TMF1: variants seen among roughly 807,000 people sequenced by gnomAD.
TMF1 encodes TATA element modulatory factor.
TMF1 carries 71 observed loss-of-function variants against 126.5 expected under a neutral mutation model. That is an observed-to-expected ratio of 0.56 (90% CI 0.46 to 0.68). TMF1 has a LOEUF of 0.68. Among genes scored for constraint, TMF1 ranks in the 30% least tolerant of loss-of-function variants. The pLI, the probability that TMF1 is intolerant of heterozygous loss-of-function variation, is 0.00. For missense variants in TMF1, 1,259 were observed against 1,253.2 expected, an observed-to-expected ratio of 1.00 and a Z score of -0.07; for synonymous variants, 461 against 430.5, an observed-to-expected ratio of 1.07 and a Z score of -0.88.
At chr3:69,037,213 A>T (rs941008606) in intron 8 of TMF1, among the ~76,000 whole-genome samples, 2 of 152,266 alleles carry the variant, frequency 1.3e-5, no homozygotes, top group African/African-American at 4.8e-5. Flanking sequence ...AATGCAAATC[A>T]GCCGGGCGTA....
chr3:69,027,873 C>A (rs532969043), intron 13 of TMF1, 27 bp downstream of exon 13: 3 of 1,300,350 alleles, frequency 2.3e-6, no homozygotes, highest in African/African-American at 1.5e-5. Context: ...GGTTACACCA[C>A]AAACAAACAA....
intron 12 of TMF1, 27 bp downstream of exon 12, chr3:69,028,199 G>C: frequency 6.3e-7 from 1 of 1,587,046 alleles, no homozygotes; most frequent in Non-Finnish European, 8.6e-7. Flanking sequence ...TATGCCCTAA[G>C]AGCTGAGTGG....
At chr3:69,045,998 G>A (rs1006488688) in intron 2 of TMF1, among the ~76,000 whole-genome samples, 7 of 152,074 alleles carry the variant, frequency 4.6e-5, no homozygotes, top group African/African-American at 7.2e-5. Flanking sequence ...CAAGGCTGCC[G>A]TGAGCCATGA....
intron 9 of TMF1, among the ~76,000 whole-genome samples, chr3:69,034,709 G>A (rs181429838): frequency 9.9e-4 from 150 of 152,188 alleles, no homozygotes; most frequent in Non-Finnish European, 1.8e-3. Flanking sequence ...CATAGAAACC[G>A]GGAACTATTA....
intron 6 of TMF1, among the ~76,000 whole-genome samples, 179 bp downstream of exon 6, chr3:69,039,372 G>A (rs554245185): frequency 2.6e-5 from 4 of 152,172 alleles, no homozygotes; most frequent in African/African-American, 9.7e-5. Context: ...AAAGTGTTGG[G>A]ATTACAGGCG....
chr3:69,038,596 C>A lies in TMF1; in HGVS notation c.2119G>T (p.Ala707Ser). 1.2e-6 allele frequency: 2 copies of A among 1,613,982 alleles called. No individual in the cohort carries two copies. Among genetic ancestry groups the A allele is most frequent in the Non-Finnish European group, 1.7e-6 (2 of 1,179,956 alleles). Residue 707 changes from alanine to serine, a missense_variant, in exon 8 of 17, where the codon GCC (alanine) becomes TCC (serine). By Grantham distance (99) the Ala-to-Ser change is moderately conservative. Transcript: ENST00000398559. The part of the protein sequence containing the change: ...SAALEKAQEE[A>S]RQQQETLAIQ... ...GCTAATGTTTCTTGCTGCTGACGGG[C>A]TTCTTCTTGGGCCTTCTCTAATGCT...
In TMF1 at chr3:69,021,534, T is replaced by A. The variant is rs2091737736; in HGVS notation, c.*1643A>T. On this transcript the variant is annotated 3_prime_UTR_variant, in exon 17 of 17. Coordinates refer to ENST00000398559, the MANE Select transcript of TMF1 (RefSeq NM_007114.3). ...TTAACACTACCAATCAGAGATCCAA[T>A]GACAGAAACACTGTCTGGAATACAA... 6.6e-6 allele frequency: 1 copy of A among 152,444 alleles called. No individual in the cohort carries two copies. The highest frequency in any genetic ancestry group is 1.5e-5 in the Non-Finnish European group (1 of 68,002). 9.4% of individuals were successfully genotyped at this position (152,444 alleles called of 1,614,324 possible).
chr3:69,024,202 TA>T, intron 15 of TMF1, 22 bp from the exon 16 acceptor site: 1 of 1,581,292 alleles, frequency 6.3e-7, no homozygotes, highest in Non-Finnish European at 8.6e-7. Flanking sequence ...TACCACAAAA[TA>T]GTTTAAATCA....
intron 6 of TMF1, 99 bp from the exon 7 acceptor site, chr3:69,039,108 T>C (rs1559632898): frequency 9.9e-7 from 1 of 1,011,876 alleles, no homozygotes; most frequent in Non-Finnish European, 1.4e-6. Flanking sequence ...AAAATATATA[T>C]TTTTTTGAGA....
intron 11 of TMF1, among the ~76,000 whole-genome samples, chr3:69,029,377 G>T (rs1450878913): frequency 6.6e-6 from 1 of 151,894 alleles, no homozygotes; most frequent in Non-Finnish European, 1.5e-5. Context: ...TGCTAAAAGT[G>T]ATTACATTTA....
At chr3:69,024,268 G>GTTTT in intron 15 of TMF1, 88 bp from the exon 16 acceptor site, 21 of 925,066 alleles carry the variant, frequency 2.3e-5, no homozygotes, top group Non-Finnish European at 2.8e-5. Context: ...TGTGTGTGTG[G>GTTTT]TTTTTTTTTT....
chr3:69,024,823 T>TC (rs2091759038), intron 15 of TMF1: 2 of 145,694 alleles, frequency 1.4e-5, no homozygotes, highest in Non-Finnish European at 1.5e-5. Flanking sequence ...TTTTTTTTTT[T>TC]CAGATTATGG....
At position 69,048,305 on chromosome 3, in the gene TMF1, G is replaced by T; in HGVS notation, c.400C>A (p.His134Asn). ...GACTGGCCAATGTGCAAGGATTCAT[G>T]TAAGCTGCTTTTCACTTCTTCTTCT... ...RPEEEVKSSL[H>N]ESLHIGQSRT... The change falls in exon 2 of 17, where the codon CAT becomes AAT. Residue 134 changes from histidine (H) to asparagine (N), a missense_variant. His to Asn is a moderately conservative substitution (Grantham distance 68). Coordinates refer to ENST00000398559, the MANE Select transcript of TMF1 (RefSeq NM_007114.3). 1.2e-6 allele frequency: 2 copies of T among 1,614,206 alleles called. 1 individual carries two copies. Among genetic ancestry groups the T allele is most frequent in the South Asian group, 2.2e-5 (2 of 91,084 alleles).
rs1255262002 is a variant in TMF1 at position 69,048,460 on chromosome 3, G to A, written c.245C>T (p.Thr82Ile). The A allele has an allele frequency of 6.2e-7, 1 of 1,614,030 alleles. No homozygotes were observed. Among genetic ancestry groups the A allele is most frequent in the Non-Finnish European group, 8.5e-7 (1 of 1,180,040 alleles). Reference protein sequence around the residue: ...SPPIASPKAITKPVRRTVVDE... With the variant: ...SPPIASPKAIIKPVRRTVVDE... ...GACCACAGTCCTCCGAACTGGCTTT[G>A]TGATTGCTTTAGGAGAGGCTATTGG... is the stretch of plus-strand genomic sequence containing the variant. The change falls in exon 2 of 17, where the codon ACA (threonine) becomes ATA (isoleucine). Residue 82 changes from threonine (T) to isoleucine (I), a missense_variant. Transcript: ENST00000398559.
intron 10 of TMF1, among the ~76,000 whole-genome samples, chr3:69,030,896 G>A (rs905235897): frequency 1.3e-5 from 2 of 152,256 alleles, no homozygotes; most frequent in East Asian, 1.9e-4. Flanking sequence ...GCACACTTGG[G>A]CATTTATCTA....
chr3:69,032,983 C>T (rs191964252), intron 10 of TMF1, among the ~76,000 whole-genome samples: 1 of 152,158 alleles, frequency 6.6e-6, no homozygotes, highest in African/African-American at 2.4e-5. Flanking sequence ...GACCTATTTT[C>T]GCTCTTGGAA....
At chr3:69,034,849 A>G (rs1156752376) in intron 9 of TMF1, 174 bp downstream of exon 9, 7 of 619,618 alleles carry the variant, frequency 1.1e-5, no homozygotes, top group South Asian at 5.8e-5. Context: ...ATTTCCTTGT[A>G]TAATTTTTAA....
chr3:69,033,205 C>A (rs1453458680), intron 10 of TMF1, among the ~76,000 whole-genome samples: 3 of 144,214 alleles, frequency 2.1e-5, no homozygotes, highest in Non-Finnish European at 4.5e-5. Context: ...ACCTGGGAGG[C>A]GGAGCTTGCA....
Position 69,048,249 on chromosome 3 carries a change from TAC to T in TMF1, c.454_455del (p.Val152LysfsTer20), listed in dbSNP as rs2091907252. 1 of 1,614,112 alleles carries T rather than the reference TAC, an allele frequency of 6.2e-7. No individual in the cohort carries two copies. The highest frequency in any genetic ancestry group is 1.3e-5 in the African/African-American group (1 of 74,940). On this transcript the variant is annotated frameshift_variant, in exon 2 of 17. Coordinates refer to ENST00000398559, the MANE Select transcript of TMF1 (RefSeq NM_007114.3). LOFTEE classifies it high-confidence loss of function. ...SRTPETTESQ[V>X]KDSSLCVSGE... ...CTGAAACACACAAAGAAGAGTCTTT[TAC>T]TTGTGATTCAGTTGTTTCAGGAGTT...
Sources: gnomAD v4.1 joint callset for allele counts (sites outside exome capture counted in the v4.1 genomes callset) on GRCh38, gnomAD v4.1.1 for gene constraint, MANE v1.5 for transcripts, NCBI Gene and HGNC (gene_info 2026-07-23, HGNC 2026-07-21) for gene names.